ZNF233: variants seen among roughly 807,000 people sequenced by gnomAD.
ZNF233 encodes zinc finger protein 233.
A neutral mutation model predicts 11.6 loss-of-function variants in ZNF233; 7 were observed. The ratio of observed to expected loss-of-function variants is 0.60; its 90% CI spans 0.34 to 1.13. ZNF233 has a LOEUF of 1.13. Among genes scored for constraint, ZNF233 ranks in the 50% most tolerant of loss-of-function variants. ZNF233 has a pLI of 0.03. For synonymous variants in ZNF233, 226 were observed against 268.5 expected, an observed-to-expected ratio of 0.84 and a Z score of 1.55; for missense variants, 711 against 785.5, an observed-to-expected ratio of 0.91 and a Z score of 1.13.
At position 44,272,963 on chromosome 19, in the gene ZNF233, A is replaced by T. The variant is rs755773725; in HGVS notation, c.303A>T (p.Glu101Asp). The change falls in exon 5 of 5, where the codon GAA (glutamate) becomes GAT (aspartate). Residue 101 changes from glutamate to aspartate, a missense_variant. By Grantham distance (45) the Glu-to-Asp change is conservative. Transcript: ENST00000683810. ...TAAGATTAAGATTCCTTTCATATGAAGACCTTATATGCTGGCAAATATGGG... is the reference window on the plus strand; with the variant it reads ...TAAGATTAAGATTCCTTTCATATGATGACCTTATATGCTGGCAAATATGGG... ...QEVRLRFLSY[E>D]DLICWQIWEQ... 6.2e-7 allele frequency: 1 copy of T among 1,611,608 alleles called. No homozygotes were observed. The highest frequency in any genetic ancestry group is 2.2e-5 in the East Asian group (1 of 44,866).
intron 1 of ZNF233, among the ~76,000 whole-genome samples, chr19:44,261,683 CCT>C (rs1974941050): frequency 6.9e-6 from 1 of 145,656 alleles, no homozygotes; most frequent in Non-Finnish European, 1.5e-5. Context: ...ACTGAGTCTC[CCT>C]CTGTCTCCCA....
At chr19:44,270,748 C>T (rs1479029904) in intron 4 of ZNF233, among the ~76,000 whole-genome samples, 2 of 152,158 alleles carry the variant, frequency 1.3e-5, no homozygotes, top group South Asian at 2.1e-4. Flanking sequence ...CAGGAGGCCT[C>T]GCTTCCTTGC....
intron 4 of ZNF233, among the ~76,000 whole-genome samples, chr19:44,271,799 C>T (rs986136075): frequency 6.6e-5 from 10 of 151,938 alleles, no homozygotes; most frequent in Admixed American, 2.0e-4. Flanking sequence ...TGAGAGCCAC[C>T]GCACCCAGCC....
chr19:44,273,304 G>C lies in ZNF233; in HGVS notation c.644G>C (p.Arg215Thr). Residue 215 changes from arginine (R) to threonine (T), a missense_variant, in exon 5 of 5, where the codon AGG becomes ACG. By Grantham distance (71) the Arg-to-Thr change is moderately conservative. Coordinates refer to ENST00000683810, the MANE Select transcript of ZNF233 (RefSeq NM_001207005.2). Reference protein sequence around the residue: ...NKLCKCDHCVRQRIAHQHDDH... With the variant: ...NKLCKCDHCVTQRIAHQHDDH... Reference sequence around the variant, plus strand: ...CTCTGTAAATGTGATCATTGTGTTAGGCAAAGAATTGCTCATCAACATGAT... The same window carrying C: ...CTCTGTAAATGTGATCATTGTGTTACGCAAAGAATTGCTCATCAACATGAT... 1 of 1,613,980 alleles carries C rather than the reference G, an allele frequency of 6.2e-7. No homozygotes were observed. Among genetic ancestry groups the C allele is most frequent in the South Asian group, 1.1e-5 (1 of 91,078 alleles).
At chr19:44,265,172 A>AGTC (rs1395909208) in intron 2 of ZNF233, among the ~76,000 whole-genome samples, 1 of 151,920 alleles carries the variant, frequency 6.6e-6, no homozygotes, top group Non-Finnish European at 1.5e-5. Flanking sequence ...GAGGCCCTAA[A>AGTC]GTCCATTGTG....
At position 44,266,184 on chromosome 19, in the gene ZNF233, G is replaced by A. The variant is rs751898895; in HGVS notation, c.16-14G>A. 2 of 1,601,786 alleles carry A rather than the reference G, an allele frequency of 1.2e-6. No homozygotes were observed. The highest frequency in any genetic ancestry group is 1.7e-6 in the Non-Finnish European group (2 of 1,173,572). ...TGGCCATAAGATTGAGATTACATCTGCTTGATGTTGTAGGAGATGGTGACA... is the reference window on the plus strand; with the variant it reads ...TGGCCATAAGATTGAGATTACATCTACTTGATGTTGTAGGAGATGGTGACA... On this transcript the variant is annotated splice_polypyrimidine_tract_variant and intron_variant, in intron 2 of 4. Transcript: ENST00000683810.
intron 1 of ZNF233, among the ~76,000 whole-genome samples, chr19:44,261,690 C>T (rs1214599390): frequency 2.3e-5 from 3 of 128,288 alleles, no homozygotes; most frequent in Admixed American, 9.3e-5. Flanking sequence ...CTCCCTCTGT[C>T]TCCCAGGCTG....
At chr19:44,265,386 C>T (rs1459804429) in intron 2 of ZNF233, among the ~76,000 whole-genome samples, 16 of 150,466 alleles carry the variant, frequency 1.1e-4, no homozygotes, top group South Asian at 4.2e-4. Flanking sequence ...CACACACACA[C>T]ACACACACAC....
At chr19:44,268,672 C>T (rs189844656) in intron 4 of ZNF233, among the ~76,000 whole-genome samples, 1 of 152,296 alleles carries the variant, frequency 6.6e-6, no homozygotes, top group East Asian at 1.9e-4. Flanking sequence ...TAATGGCTCC[C>T]TCACAGATCT....
chr19:44,275,259 G>C lies in ZNF233; in HGVS notation c.*586G>C, dbSNP rs1417033134. 4.3e-6 allele frequency: 1 copy of C among 233,588 alleles called. No homozygotes were observed. Among genetic ancestry groups the C allele is most frequent in the Non-Finnish European group, 8.1e-6 (1 of 122,718 alleles). 14.5% of individuals were successfully genotyped at this position (233,588 alleles called of 1,614,324 possible). Reference sequence around the variant, plus strand: ...TAATTGTACTGGGAAAAGGATTCTTGCAAGAAGCCTTAAAATGAATTCAAG... The same window carrying C: ...TAATTGTACTGGGAAAAGGATTCTTCCAAGAAGCCTTAAAATGAATTCAAG... On this transcript the variant is annotated 3_prime_UTR_variant, in exon 5 of 5. Coordinates refer to ENST00000683810, the MANE Select transcript of ZNF233 (RefSeq NM_001207005.2).
chr19:44,262,099 T>C (rs1287491453), intron 1 of ZNF233, among the ~76,000 whole-genome samples: 2 of 152,274 alleles, frequency 1.3e-5, no homozygotes, highest in African/African-American at 4.8e-5. Flanking sequence ...TAAAGGAATC[T>C]TGGAGATCAA....
At chr19:44,268,560 T>C (rs908037553) in intron 4 of ZNF233, among the ~76,000 whole-genome samples, 9 of 152,224 alleles carry the variant, frequency 5.9e-5, no homozygotes, top group Admixed American at 3.9e-4. Flanking sequence ...TTAATATTTG[T>C]CGAATGAGTG....
At chr19:44,269,088 A>G (rs963839830) in intron 4 of ZNF233, among the ~76,000 whole-genome samples, 4 of 152,242 alleles carry the variant, frequency 2.6e-5, no homozygotes, top group East Asian at 3.9e-4. Flanking sequence ...CTGCATTGCA[A>G]TCAGGAATGT....
chr19:44,271,249 G>T (rs1975229435), intron 4 of ZNF233, among the ~76,000 whole-genome samples: 1 of 152,108 alleles, frequency 6.6e-6, no homozygotes, highest in South Asian at 2.1e-4. Context: ...ACTATCTTAT[G>T]GGTTCATTCT....
intron 4 of ZNF233, among the ~76,000 whole-genome samples, chr19:44,270,935 G>A (rs1408739346): frequency 6.6e-6 from 1 of 152,112 alleles, no homozygotes; most frequent in African/African-American, 2.4e-5. Context: ...GACCAAACTT[G>A]ATACAGTGTG....
Position 44,273,524 on chromosome 19 carries a change from T to G in ZNF233, c.864T>G (p.Asn288Lys). 2 of 1,614,158 alleles carry G rather than the reference T, an allele frequency of 1.2e-6. No homozygotes were observed. Among genetic ancestry groups the G allele is most frequent in the Non-Finnish European group, 1.7e-6 (2 of 1,180,020 alleles). ...QLHLRDKPHVNVEYGKGIGYS... is the reference protein window; with the variant it reads ...QLHLRDKPHVKVEYGKGIGYS... ...ACTTAAGAGACAAGCCTCATGTAAA[T>G]GTTGAGTACGGGAAGGGCATAGGTT... The change falls in exon 5 of 5, where the codon AAT becomes AAG. Residue 288 changes from asparagine to lysine, a missense_variant. Transcript: ENST00000683810.
At chr19:44,267,678 G>A (rs1054579123) in intron 4 of ZNF233, 15 of 350,874 alleles carry the variant, frequency 4.3e-5, no homozygotes, top group Middle Eastern at 7.3e-4. Flanking sequence ...CACTGTGCCC[G>A]GCATACATGT....
At chr19:44,271,409 A>C (rs1272283853) in intron 4 of ZNF233, among the ~76,000 whole-genome samples, 1 of 152,122 alleles carries the variant, frequency 6.6e-6, no homozygotes. Context: ...TTTGGGCTTT[A>C]TCATATACAG....
At chr19:44,262,957 C>T (rs16978882) in intron 1 of ZNF233, among the ~76,000 whole-genome samples, 2,202 of 152,212 alleles carry the variant, frequency 0.014, 50 homozygotes, top group African/African-American at 0.051. Context: ...GAAGGAGACA[C>T]GATTAAGAGA....
Sources: allele counts gnomAD v4.1 joint callset (sites outside exome capture counted in the v4.1 genomes callset), GRCh38; gene constraint gnomAD v4.1.1; transcripts MANE v1.5; gene names NCBI Gene and HGNC (gene_info 2026-07-23, HGNC 2026-07-21).